Variants in ADGRB3 observed in about 807,000 individuals in gnomAD.
The protein encoded by ADGRB3 is adhesion G protein-coupled receptor B3, also known as brain-specific angiogenesis inhibitor 3.
Under a neutral mutation model 193.4 loss-of-function variants are expected in ADGRB3, and 37 were observed. That is an observed-to-expected ratio of 0.19 (90% CI 0.15 to 0.25). The LOEUF is 0.25. ADGRB3 is among the 10% of genes least tolerant of loss of function. The pLI is 1.00. For synonymous variants in ADGRB3, 690 were observed against 644.2 expected, an observed-to-expected ratio of 1.07 and a Z score of -1.08; for missense variants, 1,637 against 1,852.9, an observed-to-expected ratio of 0.88 and a Z score of 2.14.
At chr6:68,911,877 C>CT (rs1766722608) in intron 3 of ADGRB3, among the ~76,000 whole-genome samples, 1 of 126,082 alleles carries the variant, frequency 7.9e-6, no homozygotes, top group Admixed American at 7.9e-5. Flanking sequence ...GTAGTTGTTT[C>CT]TGTTTTTTTT....
At chr6:68,760,286 A>T (rs1035983141) in intron 3 of ADGRB3, among the ~76,000 whole-genome samples, 3 of 152,144 alleles carry the variant, frequency 2.0e-5, no homozygotes, top group African/African-American at 7.2e-5. Context: ...CAACTCAAGG[A>T]CATTTCTCCC....
chr6:68,948,389 A>G (rs551905903), intron 6 of ADGRB3, among the ~76,000 whole-genome samples: 1 of 152,190 alleles, frequency 6.6e-6, no homozygotes, highest in African/African-American at 2.4e-5. Flanking sequence ...CTCTGTCCTT[A>G]ATGGTCTTGA....
intron 8 of ADGRB3, among the ~76,000 whole-genome samples, chr6:68,966,297 C>T (rs1356147808): frequency 6.6e-6 from 1 of 152,112 alleles, no homozygotes; most frequent in African/African-American, 2.4e-5. Context: ...GTCTTCAGCT[C>T]TCTTTCTTTC....
intron 3 of ADGRB3, among the ~76,000 whole-genome samples, chr6:68,802,029 C>T (rs6455303): frequency 0.72 from 109,504 of 151,932 alleles, 39,773 homozygotes; most frequent in Middle Eastern, 0.88. Context: ...ATTCTAACTC[C>T]CTTATTCTTC....
chr6:68,645,507 C>T (rs1320737319), intron 3 of ADGRB3, among the ~76,000 whole-genome samples: 1 of 152,052 alleles, frequency 6.6e-6, no homozygotes, highest in Non-Finnish European at 1.5e-5. Context: ...ATAAGAAAAA[C>T]TTTGGTCCCT....
At chr6:69,157,786 G>T (rs1198904621) in intron 17 of ADGRB3, among the ~76,000 whole-genome samples, 1 of 151,682 alleles carries the variant, frequency 6.6e-6, no homozygotes, top group Non-Finnish European at 1.5e-5. Flanking sequence ...TTGATGGTTA[G>T]AATGGTGGCA....
chr6:69,047,250 A>G (rs1308558778), intron 13 of ADGRB3, among the ~76,000 whole-genome samples: 1 of 152,132 alleles, frequency 6.6e-6, no homozygotes, highest in Non-Finnish European at 1.5e-5. Flanking sequence ...ACACTTGAAA[A>G]TATGATATAG....
chr6:68,643,279 G>A (rs535155662), intron 3 of ADGRB3, among the ~76,000 whole-genome samples: 27 of 152,150 alleles, frequency 1.8e-4, no homozygotes, highest in African/African-American at 5.1e-4. Context: ...TCATGCCTGC[G>A]TGTGTATGTG....
At chr6:69,142,145 G>A (rs1774359821) in intron 17 of ADGRB3, among the ~76,000 whole-genome samples, 1 of 152,160 alleles carries the variant, frequency 6.6e-6, no homozygotes, top group Non-Finnish European at 1.5e-5. Context: ...TTTAGTTAGA[G>A]TATGTTCCAC....
At chr6:68,805,294 T>C (rs1767381737) in intron 3 of ADGRB3, among the ~76,000 whole-genome samples, 1 of 152,234 alleles carries the variant, frequency 6.6e-6, no homozygotes, top group Non-Finnish European at 1.5e-5. Flanking sequence ...TAATGCCATC[T>C]TTAGATGAAT....
chr6:69,232,479 C>A, intron 17 of ADGRB3: 2 of 1,533,210 alleles, frequency 1.3e-6, no homozygotes, highest in Non-Finnish European at 1.7e-6. Flanking sequence ...TCCTACTGGA[C>A]TTTGGGGTGG....
intron 23 of ADGRB3, chr6:69,332,038 G>C (rs1203294666): frequency 2.0e-6 from 2 of 985,188 alleles, no homozygotes; most frequent in Non-Finnish European, 2.4e-6. Flanking sequence ...GCAGGGCAGG[G>C]TTACACCAAG....
intron 25 of ADGRB3, 35 bp downstream of exon 25, chr6:69,339,049 A>T: frequency 6.2e-7 from 1 of 1,605,594 alleles, no homozygotes; most frequent in Non-Finnish European, 8.5e-7. Flanking sequence ...CTTGTTACAA[A>T]TCTTTTACAG....
At chr6:69,290,835 T>C (rs1258567307) in intron 20 of ADGRB3, among the ~76,000 whole-genome samples, 1 of 152,106 alleles carries the variant, frequency 6.6e-6, no homozygotes, top group Non-Finnish European at 1.5e-5. Flanking sequence ...TCAGTTAACA[T>C]GAAAATCTCT....
intron 3 of ADGRB3, among the ~76,000 whole-genome samples, chr6:68,789,243 C>T (rs1433190299): frequency 1.3e-5 from 2 of 152,082 alleles, no homozygotes; most frequent in African/African-American, 4.8e-5. Context: ...CAGTTTCTTC[C>T]TAGCCTTGAT....
intron 3 of ADGRB3, among the ~76,000 whole-genome samples, chr6:68,827,670 G>C (rs1288451377): frequency 3.3e-5 from 5 of 151,876 alleles, no homozygotes; most frequent in Non-Finnish European, 5.9e-5. Flanking sequence ...TTTTTTTGGG[G>C]GGGAGGGGGT....
chr6:68,721,384 C>A (rs948772184), intron 3 of ADGRB3, among the ~76,000 whole-genome samples: 3 of 151,444 alleles, frequency 2.0e-5, no homozygotes, highest in Non-Finnish European at 2.9e-5. Context: ...GGACAAAAAA[C>A]CAAACACTGC....
chr6:68,715,467 A>G (rs1296059003), intron 3 of ADGRB3, among the ~76,000 whole-genome samples: 1 of 151,740 alleles, frequency 6.6e-6, no homozygotes, highest in Non-Finnish European at 1.5e-5. Context: ...AATGAGCAAG[A>G]GGAATGGAGA....
chr6:69,024,821 G>T (rs976609440), intron 13 of ADGRB3, among the ~76,000 whole-genome samples: 23 of 152,108 alleles, frequency 1.5e-4, no homozygotes, highest in Non-Finnish European at 1.9e-4. Context: ...GACCGGGCAC[G>T]GTGGCTCACG....
Sources: gnomAD v4.1 joint callset for allele counts (sites outside exome capture counted in the v4.1 genomes callset) on GRCh38, gnomAD v4.1.1 for gene constraint, MANE v1.5 for transcripts, NCBI Gene and HGNC (gene_info 2026-07-23, HGNC 2026-07-21) for gene names.